The following DEF6 variants were observed in gnomAD, a reference collection of about 807,000 sequenced individuals.
DEF6 encodes DEF6 guanine nucleotide exchange factor.
A neutral mutation model predicts 80.5 loss-of-function variants in DEF6; 32 were observed. The ratio of observed to expected loss-of-function variants is 0.40; its 90% confidence interval spans 0.30 to 0.53. The LOEUF (loss-of-function observed/expected upper bound fraction) is 0.53. Ranked by LOEUF, DEF6 falls within the 20% of genes least tolerant of loss-of-function variation. The pLI is 0.57. For synonymous variants in DEF6, 300 were observed against 337.9 expected, an observed-to-expected ratio of 0.89 and a Z score of 1.23; for missense variants, 575 against 818.7, an observed-to-expected ratio of 0.70 and a Z score of 3.63.
chr6:35,318,386 T>C lies in DEF6; in HGVS notation c.1130T>C (p.Leu377Pro), dbSNP rs772462578. 2 of 1,535,272 alleles carry C rather than the reference T, an allele frequency of 1.3e-6. No homozygotes were observed. Among genetic ancestry groups the C allele is most frequent in the South Asian group, 2.4e-5 (2 of 83,734 alleles). Reference sequence around the variant, plus strand: ...GAGGCGCAGCGGCAGGCCGAGCGGCTGCTGCAGGAGGAGGAGGAACGGCGC... The same window carrying C: ...GAGGCGCAGCGGCAGGCCGAGCGGCCGCTGCAGGAGGAGGAGGAACGGCGC... ...LQEAQRQAER[L>P]LQEEEERRRS... The change falls in exon 7 of 11, where the codon CTG (leucine) becomes CCG (proline). Residue 377 changes from leucine to proline, a missense_variant. Physicochemically the swap from Leu to Pro is moderately conservative, Grantham distance 98. Transcript: ENST00000316637. The surrounding 1 kb of genome is among the most constrained non-coding windows in gnomAD (Gnocchi z 5.1).
intron 5 of DEF6, among the ~76,000 whole-genome samples, chr6:35,316,577 C>T (rs1791527318): frequency 6.6e-6 from 1 of 152,082 alleles, no homozygotes; most frequent in African/African-American, 2.4e-5. Context: ...GGTATGTTGC[C>T]TCTATACCCA....
Position 35,319,881 on chromosome 6 carries a change from G to A in DEF6, c.1445G>A (p.Arg482His). The A allele has an allele frequency of 1.9e-6, 3 of 1,582,726 alleles. No individual in the cohort carries two copies. The highest frequency in any genetic ancestry group is 2.6e-6 in the Non-Finnish European group (3 of 1,164,480). ...QLMQLKEEQE[R>H]YIERAQQEKE... ...ATGCAGCTGAAGGAGGAGCAGGAGCGCTACATCGAACGGGCGCAGCAGGAG... is the reference window on the plus strand; with the variant it reads ...ATGCAGCTGAAGGAGGAGCAGGAGCACTACATCGAACGGGCGCAGCAGGAG... Residue 482 changes from arginine (R) to histidine (H), a missense_variant, in exon 9 of 11, where the codon CGC (arginine) becomes CAC (histidine). Arg to His is a conservative substitution (Grantham distance 29). Transcript: ENST00000316637. This position sits in a 1 kb window ranked among gnomAD's most constrained non-coding sequence, Gnocchi z 4.5.
intron 1 of DEF6, among the ~76,000 whole-genome samples, chr6:35,299,809 T>C (rs765816740): frequency 1.3e-4 from 19 of 150,004 alleles, no homozygotes; most frequent in Non-Finnish European, 2.1e-4. Context: ...GGGGCGGAAA[T>C]GGCGGGGCTC....
intron 1 of DEF6, among the ~76,000 whole-genome samples, chr6:35,306,822 C>T (rs9469984): frequency 0.05 from 7,583 of 152,260 alleles, 591 homozygotes; most frequent in African/African-American, 0.17. Context: ...TTAAGCAGTG[C>T]ACTATGCACC....
Position 35,302,590 on chromosome 6 carries a change from C to T in DEF6, c.96+4638C>T, listed in dbSNP as rs1160592314. 2.0e-5 allele frequency among the ~76,000 whole-genome samples: 3 copies of T among 152,258 alleles called. No individual in the cohort carries two copies. In the East Asian group the frequency reaches 5.8e-4, roughly 29 times the overall value. ...GAGAGGAGAACTACTCCCCTACATG[C>T]CTCCAGAGGAAAGAGTGAATAGATG... On this transcript the variant is annotated intron_variant, in intron 1 of 10. Transcript: ENST00000316637.
At chr6:35,321,082 A>T in intron 10 of DEF6, 105 bp from the exon 11 acceptor site, 1 of 1,548,456 alleles carries the variant, frequency 6.5e-7, no homozygotes, top group South Asian at 1.1e-5. Flanking sequence ...CAAAAGCAGG[A>T]CTGGCAGTCA....
chr6:35,315,027 G>A (rs1450089630), intron 5 of DEF6, among the ~76,000 whole-genome samples: 1 of 152,158 alleles, frequency 6.6e-6, no homozygotes, highest in African/African-American at 2.4e-5. Context: ...TGAAAGGACT[G>A]TTCTTTCCCC....
At chr6:35,321,029 GA>G in intron 10 of DEF6, 55 bp downstream of exon 10, 1 of 1,598,742 alleles carries the variant, frequency 6.3e-7, no homozygotes, top group Non-Finnish European at 8.6e-7. Context: ...AGAAAGGAGG[GA>G]GAAAGGTCTC....
chr6:35,319,655 G>A lies in DEF6; in HGVS notation c.1347G>A (p.Arg449=), dbSNP rs747360859. ...CCCTGCAACTAGAGGTGAAAGCTCG[G>A]CGAGATGAAGAATCTGTGCGAATCG... is the stretch of plus-strand genomic sequence containing the variant. The part of the protein sequence containing the change: ...QEALQLEVKA[R]RDEESVRIAQ... Residue 449 remains arginine, a synonymous_variant, in exon 8 of 11, where the codon CGG becomes CGA. Transcript: ENST00000316637. This position sits in a 1 kb window ranked among gnomAD's most constrained non-coding sequence, Gnocchi z 4.5. 6.2e-7 allele frequency: 1 copy of A among 1,613,536 alleles called. No homozygotes were observed. Among genetic ancestry groups the A allele is most frequent in the Non-Finnish European group, 8.5e-7 (1 of 1,179,624 alleles).
Position 35,320,005 on chromosome 6 carries a change from C to G in DEF6, c.1569C>G (p.Asp523Glu). 6.4e-7 allele frequency: 1 copy of G among 1,561,448 alleles called. No individual in the cohort carries two copies. Among genetic ancestry groups the G allele is most frequent in the African/African-American group, 1.3e-5 (1 of 74,282 alleles). Residue 523 changes from aspartate (D) to glutamate (E), a missense_variant, in exon 9 of 11, where the codon GAC (aspartate) becomes GAG (glutamate). Physicochemically the swap from Asp to Glu is conservative, Grantham distance 45 (BLOSUM62 2). Coordinates refer to ENST00000316637, the MANE Select transcript of DEF6 (RefSeq NM_022047.4). ...EEVRQNRQRA[D>E]EDVEAAQRKL... ...TGCGGCAGAACCGGCAGAGGGCTGA[C>G]GAGGATGTGGAGGTGAGGCCTGGGG...
chr6:35,299,594 G>T (rs985862087), intron 1 of DEF6, among the ~76,000 whole-genome samples: 1 of 152,164 alleles, frequency 6.6e-6, no homozygotes, highest in African/African-American at 2.4e-5. Context: ...CACAGGTTGC[G>T]TATTTCTAGG....
rs141385234 is a variant in DEF6, at chr6:35,319,885, C to T, written c.1449C>T (p.Tyr483=). ...LMQLKEEQER[Y]IERAQQEKEE... Reference sequence around the variant, plus strand: ...AGCTGAAGGAGGAGCAGGAGCGCTACATCGAACGGGCGCAGCAGGAGAAGG... The same window carrying T: ...AGCTGAAGGAGGAGCAGGAGCGCTATATCGAACGGGCGCAGCAGGAGAAGG... The change falls in exon 9 of 11, where the codon TAC becomes TAT. Residue 483 remains tyrosine, a synonymous_variant. Coordinates refer to ENST00000316637, the MANE Select transcript of DEF6 (RefSeq NM_022047.4). This position sits in a 1 kb window ranked among gnomAD's most constrained non-coding sequence, Gnocchi z 4.5. 1 of 1,580,994 alleles carries T rather than the reference C, an allele frequency of 6.3e-7. No individual in the cohort carries two copies. The highest frequency in any genetic ancestry group is 1.3e-5 in the African/African-American group (1 of 74,306).
At position 35,321,018 on chromosome 6, in the gene DEF6, G is replaced by A. The variant is rs552281418; in HGVS notation, c.1672+44G>A. 6.0e-5 allele frequency: 97 copies of A among 1,605,174 alleles called. No individual in the cohort carries two copies. In the South Asian group the frequency reaches 9.6e-4, roughly 16 times the overall value. ...TGGAGCTTTCCCTGGAGCTGGGAGG[G>A]AGAAAGGAGGGAGAAAGGTCTCCCT... is the stretch of plus-strand genomic sequence containing the variant. On this transcript the variant is annotated intron_variant, in intron 10 of 10. Transcript: ENST00000316637.
At chr6:35,308,804 C>T (rs890447339) in intron 1 of DEF6, among the ~76,000 whole-genome samples, 6 of 152,044 alleles carry the variant, frequency 3.9e-5, no homozygotes, top group Non-Finnish European at 7.4e-5. Context: ...CAGTGACCGG[C>T]ATATGGTAAG....
intron 1 of DEF6, among the ~76,000 whole-genome samples, chr6:35,299,550 C>T (rs2150384115): frequency 6.6e-6 from 1 of 152,248 alleles, no homozygotes; most frequent in South Asian, 2.1e-4. Context: ...TCTGTCTTGC[C>T]CTCTAAAAGG....
At position 35,318,089 on chromosome 6, in the gene DEF6, T is replaced by G; in HGVS notation, c.917-84T>G. 6.5e-7 allele frequency: 1 copy of G among 1,542,720 alleles called. No homozygotes were observed. On this transcript the variant is annotated intron_variant, in intron 6 of 10. Coordinates refer to ENST00000316637, the MANE Select transcript of DEF6 (RefSeq NM_022047.4). The surrounding 1 kb of genome is among the most constrained non-coding windows in gnomAD (Gnocchi z 5.1). ...TGATAATACTTTGTCCAGCGGGAGG[T>G]TGGAGAGTGGACTCGGGAAACTCCT... is the stretch of plus-strand genomic sequence containing the variant.
Position 35,319,973 on chromosome 6 carries a change from G to C in DEF6, c.1537G>C (p.Glu513Gln). The C allele has an allele frequency of 1.3e-6, 2 of 1,565,712 alleles. No individual in the cohort carries two copies. Among genetic ancestry groups the C allele is most frequent in the Non-Finnish European group, 1.7e-6 (2 of 1,154,512 alleles). Residue 513 changes from glutamate to glutamine, a missense_variant, in exon 9 of 11, where the codon GAG (glutamate) becomes CAG (glutamine). Coordinates refer to ENST00000316637, the MANE Select transcript of DEF6 (RefSeq NM_022047.4). The surrounding 1 kb of genome is among the most constrained non-coding windows in gnomAD (Gnocchi z 4.5). ...CCTGCAGCAGGCCCAGCAGCAGCTG[G>C]AGGAGGTGCGGCAGAACCGGCAGAG... ...RSLQQAQQQL[E>Q]EVRQNRQRAD...
rs374387353 is a variant in DEF6, at chr6:35,307,319, A to C, written c.97-2351A>C. 1.2e-4 allele frequency among the ~76,000 whole-genome samples: 19 copies of C among 152,396 alleles called. No individual in the cohort carries two copies. The Middle Eastern group carries it at 0.014, about 109-fold the overall frequency. ...GAGGCTGAGGCAGGAGAATCACGTG[A>C]ACCTGGGAGGCGGAGGTTGCAGTGA... On this transcript the variant is annotated intron_variant, in intron 1 of 10. Transcript: ENST00000316637.
At chr6:35,309,051 C>T (rs1394882147) in intron 1 of DEF6, among the ~76,000 whole-genome samples, 2 of 152,192 alleles carry the variant, frequency 1.3e-5, no homozygotes, top group African/African-American at 2.4e-5. Flanking sequence ...CTTCTTTGAG[C>T]CCTCTCCTCT....
Sources: gnomAD v4.1 joint callset for allele counts (sites outside exome capture counted in the v4.1 genomes callset) on GRCh38, gnomAD v4.1.1 for gene constraint, Gnocchi (gnomAD v3.1) non-coding constraint, MANE v1.5 for transcripts, NCBI Gene and HGNC (gene_info 2026-07-23, HGNC 2026-07-21) for gene names.